C5: variants seen among roughly 807,000 people sequenced by gnomAD.
C5 encodes the protein C3 and PZP-like alpha-2-macroglobulin domain-containing protein 4.
Under a neutral mutation model 218.8 loss-of-function variants are expected in C5, and 140 were observed. The observed-to-expected ratio is 0.64, with a 90% CI of 0.56 to 0.74. The LOEUF is 0.74. C5 is among the 30% of genes least tolerant of loss of function. The pLI, the probability that C5 is intolerant of heterozygous loss-of-function variation, is 0.00. For synonymous variants in C5, 614 were observed against 682.3 expected (o/e 0.90, Z 1.56); for missense variants, 1,700 against 1,969.6 (o/e 0.86, Z 2.59).
At chr9:120,995,792 A>G in intron 22 of C5, among the ~76,000 whole-genome samples, 1 of 151,686 alleles carries the variant, frequency 6.6e-6, no homozygotes, top group Admixed American at 6.6e-5. Context: ...AATGCTATCA[A>G]GAAAGATAGT....
intron 12 of C5, among the ~76,000 whole-genome samples, chr9:121,018,126 G>A (rs962351916): frequency 1.8e-4 from 28 of 151,550 alleles, no homozygotes; most frequent in African/African-American, 6.8e-4. Context: ...GGTGGTGCAT[G>A]ACTGTAATCA....
chr9:121,048,538 T>C lies in C5; in HGVS notation c.65+1644A>G, dbSNP rs181175085. Among the ~76,000 whole-genome samples, 330 of 152,332 alleles carry C rather than the reference T, an allele frequency of 2.2e-3. 1 individual carries two copies. The highest frequency in any genetic ancestry group is 5.6e-3 in the Admixed American group (86 of 15,304). On this transcript the variant is annotated intron_variant, in intron 1 of 40. Transcript: ENST00000223642. Reference sequence around the variant, plus strand: ...ACCCCAATCCTGGTCCATGGAAACATTGTCTTCCACAAAACCTGTCCCTAG... The same window carrying C: ...ACCCCAATCCTGGTCCATGGAAACACTGTCTTCCACAAAACCTGTCCCTAG...
chr9:121,020,090 G>A lies in C5; in HGVS notation c.1392C>T (p.Tyr464=). 6.2e-7 allele frequency: 1 copy of A among 1,613,496 alleles called. No homozygotes were observed. Among genetic ancestry groups the A allele is most frequent in the Non-Finnish European group, 8.5e-7 (1 of 1,179,504 alleles). Residue 464 remains tyrosine (Y), a synonymous_variant, in exon 12 of 41, where the codon TAC becomes TAT. Coordinates refer to ENST00000223642, the MANE Select transcript of C5 (RefSeq NM_001735.3). ...AIAYSSLSQS[Y]LYIDWTDNHK... ...GGTTATCAGTCCAATCAATATAAAG[G>A]TAACTTTGGCTGAGAGATGAGTATG...
chr9:121,058,720 T>A, the C5 span, among the ~76,000 whole-genome samples: 1 of 152,256 alleles, frequency 6.6e-6, no homozygotes, highest in Non-Finnish European at 1.5e-5. Flanking sequence ...ATTACAGGCG[T>A]GAGCCACCAT....
chr9:120,978,911 A>AG, intron 28 of C5, among the ~76,000 whole-genome samples: 1 of 152,040 alleles, frequency 6.6e-6, no homozygotes, highest in African/African-American at 2.4e-5. Context: ...GCTGTGGATA[A>AG]GACATGGGCA....
At chr9:120,999,840 C>A in intron 20 of C5, 1 of 429,178 alleles carries the variant, frequency 2.3e-6, no homozygotes. Flanking sequence ...TGGAAATGCA[C>A]TGAAAATTTA....
At chr9:121,008,134 A>G (rs2131742248) in intron 18 of C5, among the ~76,000 whole-genome samples, 1 of 152,366 alleles carries the variant, frequency 6.6e-6, no homozygotes, top group East Asian at 1.9e-4. Flanking sequence ...TGTATCGCAC[A>G]TAGTTGTGTG....
chr9:121,020,317 A>G (rs1246836111), intron 11 of C5, 138 bp from the exon 12 acceptor site: 1 of 712,996 alleles, frequency 1.4e-6, no homozygotes, highest in Non-Finnish European at 2.4e-6. Flanking sequence ...AAAACCCTCC[A>G]TTACTTCAGT....
At chr9:121,065,328 AGAGAAAATTGCG>A in the C5 span, among the ~76,000 whole-genome samples, 1 of 152,336 alleles carries the variant, frequency 6.6e-6, no homozygotes, top group Non-Finnish European at 1.5e-5. Context: ...TTTTATAGGT[AGAGAAAATTGCG>A]GAGAAAATTG....
At chr9:121,067,566 T>TA in the C5 span, among the ~76,000 whole-genome samples, 1,589 of 121,556 alleles carry the variant, frequency 0.013, 11 homozygotes, top group Non-Finnish European at 0.016. Context: ...AGGCTCCATC[T>TA]AAAAAAAAAA....
chr9:120,962,560 G>T, intron 36 of C5, 111 bp downstream of exon 36: 1 of 833,850 alleles, frequency 1.2e-6, no homozygotes, highest in Non-Finnish European at 2.1e-6. Context: ...ATGAAGAGTG[G>T]TCCCTAAGAG....
At chr9:121,045,387 C>T (rs2047618652) in intron 2 of C5, among the ~76,000 whole-genome samples, 1 of 152,016 alleles carries the variant, frequency 6.6e-6, no homozygotes, top group Non-Finnish European at 1.5e-5. Context: ...TAAAACGGTA[C>T]AATCTTATGC....
At chr9:120,960,410 G>T in intron 37 of C5, 73 bp from the exon 38 acceptor site, 1 of 987,816 alleles carries the variant, frequency 1.0e-6, no homozygotes. Flanking sequence ...AGTAAACACG[G>T]TTTCTCATGA....
chr9:120,993,962 TG>T (rs1199715576), intron 22 of C5, among the ~76,000 whole-genome samples: 1 of 152,026 alleles, frequency 6.6e-6, no homozygotes, highest in African/African-American at 2.4e-5. Context: ...CCAATGAGGA[TG>T]GTGTGTCAGG....
intron 7 of C5, among the ~76,000 whole-genome samples, chr9:121,029,281 C>T (rs2047452988): frequency 6.6e-6 from 1 of 152,154 alleles, no homozygotes; most frequent in South Asian, 2.1e-4. Context: ...AAGTAATAAA[C>T]ACTCTATTTT....
At chr9:121,025,333 A>G in intron 9 of C5, 121 bp downstream of exon 9, 1 of 1,143,746 alleles carries the variant, frequency 8.7e-7, no homozygotes, top group Non-Finnish European at 1.2e-6. Flanking sequence ...TTAACTATGA[A>G]AGAAAATACA....
intron 20 of C5, among the ~76,000 whole-genome samples, chr9:121,003,429 G>A (rs1194338910): frequency 1.3e-5 from 2 of 152,062 alleles, no homozygotes; most frequent in African/African-American, 4.8e-5. Flanking sequence ...GATGAAACAA[G>A]TTTATATGGA....
chr9:121,045,425 A>G (rs965988536), intron 2 of C5, among the ~76,000 whole-genome samples: 2 of 152,190 alleles, frequency 1.3e-5, no homozygotes, highest in Admixed American at 6.5e-5. Context: ...TTAAAAACTC[A>G]AAACAAATTT....
In C5 at chr9:121,013,890, A is replaced by C; in HGVS notation, c.2240T>G (p.Met747Arg). 4.3e-6 allele frequency: 7 copies of C among 1,614,048 alleles called. No individual in the cohort carries two copies. The highest frequency in any genetic ancestry group is 5.9e-6 in the Non-Finnish European group (7 of 1,179,946). Residue 747 changes from methionine to arginine, a missense_variant, in exon 17 of 41, where the codon ATG becomes AGG. By Grantham distance (91) the Met-to-Arg change is moderately conservative (BLOSUM62 -1). Coordinates refer to ENST00000223642, the MANE Select transcript of C5 (RefSeq NM_001735.3). ...QLRANISHKD[M>R]QLGRLHMKTL... ...ATACTTACGTAGCCTTCCCAATTGC[A>C]TGTCTTTATGAGAGATATTAGCACG...
Sources: allele counts gnomAD v4.1 joint callset (sites outside exome capture counted in the v4.1 genomes callset), GRCh38; gene constraint gnomAD v4.1.1; transcripts MANE v1.5; gene names NCBI Gene and HGNC (gene_info 2026-07-23, HGNC 2026-07-21).